The following SORCS1 variants were observed in gnomAD, a reference collection of about 807,000 sequenced individuals.
SORCS1 encodes VPS10 domain-containing receptor SorCS1.
Under a neutral mutation model 146.1 loss-of-function variants are expected in SORCS1, and 60 were observed. The observed-to-expected ratio is 0.41, with a 90% CI of 0.33 to 0.51. SORCS1 has a LOEUF of 0.51. Among genes scored for constraint, SORCS1 ranks in the 20% least tolerant of loss-of-function variants. The pLI is 0.21. For missense variants in SORCS1, 1,352 were observed against 1,487.6 expected (o/e 0.91, Z 1.50); for synonymous variants, 637 against 584.0 (o/e 1.09, Z -1.31).
intron 1 of SORCS1, among the ~76,000 whole-genome samples, chr10:106,974,613 CA>C: frequency 6.6e-6 from 1 of 152,246 alleles, no homozygotes; most frequent in Non-Finnish European, 1.5e-5. Context: ...CCCTAGACAC[CA>C]GAAACCAAAA....
At chr10:107,049,326 G>A (rs577267294) in intron 1 of SORCS1, among the ~76,000 whole-genome samples, 41 of 148,672 alleles carry the variant, frequency 2.8e-4, no homozygotes, top group Non-Finnish European at 5.5e-4. Flanking sequence ...GCTAAATGAC[G>A]AGTTAATGGG....
intron 1 of SORCS1, among the ~76,000 whole-genome samples, chr10:107,146,489 T>C (rs1968335905): frequency 6.6e-6 from 1 of 152,150 alleles, no homozygotes; most frequent in African/African-American, 2.4e-5. Flanking sequence ...CGTGAGTGGA[T>C]GCCCCATGCT....
intron 1 of SORCS1, among the ~76,000 whole-genome samples, chr10:106,979,301 A>G (rs1956158778): frequency 6.6e-6 from 1 of 152,200 alleles, no homozygotes; most frequent in Admixed American, 6.5e-5. Context: ...TTTGTAAGAC[A>G]GTAATTAAAA....
At chr10:107,061,241 T>C (rs1326400558) in intron 1 of SORCS1, among the ~76,000 whole-genome samples, 1 of 152,076 alleles carries the variant, frequency 6.6e-6, no homozygotes, top group East Asian at 1.9e-4. Context: ...AAATAACTTG[T>C]TCAAAAACAT....
chr10:106,946,946 A>G (rs1442825650), intron 2 of SORCS1, among the ~76,000 whole-genome samples: 1 of 152,182 alleles, frequency 6.6e-6, no homozygotes, highest in Non-Finnish European at 1.5e-5. Context: ...AAGATACATA[A>G]TTCACTACAA....
chr10:107,152,356 C>T lies in SORCS1; in HGVS notation c.558+11613G>A, dbSNP rs372245230. Among the ~76,000 whole-genome samples the T allele has an allele frequency of 1.2e-3, 179 of 152,256 alleles. 1 individual carries two copies. Among genetic ancestry groups the T allele is most frequent in the African/African-American group, 4.3e-3 (178 of 41,542 alleles). On this transcript the variant is annotated intron_variant, in intron 1 of 25. Coordinates refer to ENST00000263054, the MANE Select transcript of SORCS1 (RefSeq NM_052918.5). ...GGTTTGGGGTCCCCATGCAAAGTCC[C>T]CATGGGGCACTGTCTAGTGGAGCTA...
the SORCS1 span, among the ~76,000 whole-genome samples, chr10:107,180,149 C>A: frequency 2.0e-5 from 3 of 151,982 alleles, no homozygotes; most frequent in African/African-American, 7.2e-5. Flanking sequence ...CTCCTGGGCT[C>A]AAGCCATCCT....
At chr10:107,088,682 T>C (rs1354232970) in intron 1 of SORCS1, among the ~76,000 whole-genome samples, 3 of 152,318 alleles carry the variant, frequency 2.0e-5, no homozygotes, top group Admixed American at 6.5e-5. Flanking sequence ...GGAAGAGATA[T>C]GGACAATTGA....
chr10:106,705,904 G>A (rs922063533), intron 8 of SORCS1, among the ~76,000 whole-genome samples: 1 of 152,104 alleles, frequency 6.6e-6, no homozygotes, highest in Non-Finnish European at 1.5e-5. Context: ...AATTAGCTGC[G>A]ACTCAGAACT....
At chr10:106,619,158 A>G (rs556522120) in intron 20 of SORCS1, among the ~76,000 whole-genome samples, 1 of 152,186 alleles carries the variant, frequency 6.6e-6, no homozygotes, top group Non-Finnish European at 1.5e-5. Flanking sequence ...ATAAAAAACA[A>G]TAGGGGGTAC....
At chr10:107,167,715 G>C (rs1241286354), upstream of SORCS1, among the ~76,000 whole-genome samples, 1 of 151,952 alleles carries the variant, frequency 6.6e-6, no homozygotes, top group African/African-American at 2.4e-5. Flanking sequence ...TTAAAATTTA[G>C]CCTTGCTAAA....
intron 2 of SORCS1, among the ~76,000 whole-genome samples, chr10:106,873,077 G>A (rs900044991): frequency 6.6e-6 from 1 of 152,146 alleles, no homozygotes; most frequent in Non-Finnish European, 1.5e-5. Context: ...GGGAGGCTGA[G>A]GCAGGAGAAT....
intron 1 of SORCS1, among the ~76,000 whole-genome samples, chr10:106,965,061 A>G (rs1229093706): frequency 6.6e-6 from 1 of 151,804 alleles, no homozygotes; most frequent in African/African-American, 2.4e-5. Flanking sequence ...TTCCAGGACT[A>G]ATTTAGCCCA....
intron 1 of SORCS1, among the ~76,000 whole-genome samples, chr10:107,042,611 AT>A (rs35015031): frequency 1.8e-3 from 256 of 143,626 alleles, no homozygotes; most frequent in East Asian, 3.7e-3. Flanking sequence ...GAAGTGAACT[AT>A]TTTTTTTTTT....
intron 2 of SORCS1, among the ~76,000 whole-genome samples, chr10:106,908,156 G>A (rs1951995387): frequency 6.6e-6 from 1 of 151,986 alleles, no homozygotes; most frequent in African/African-American, 2.4e-5. Context: ...TTGAATCCCT[G>A]GACTCTAAAT....
At chr10:106,756,778 G>C (rs1430438339) in intron 5 of SORCS1, among the ~76,000 whole-genome samples, 1 of 152,052 alleles carries the variant, frequency 6.6e-6, no homozygotes, top group African/African-American at 2.4e-5. Flanking sequence ...CTTGAAACTT[G>C]TATTTGTTTT....
At chr10:106,853,321 C>T (rs1016091094) in intron 2 of SORCS1, among the ~76,000 whole-genome samples, 1 of 151,552 alleles carries the variant, frequency 6.6e-6, no homozygotes, top group Non-Finnish European at 1.5e-5. Flanking sequence ...GCTCTCTCCT[C>T]TTTCATTTCT....
At chr10:107,158,365 GAT>G (rs1969450289) in intron 1 of SORCS1, among the ~76,000 whole-genome samples, 1 of 152,120 alleles carries the variant, frequency 6.6e-6, no homozygotes, top group African/African-American at 2.4e-5. Context: ...TAAATTCCTG[GAT>G]ATAAAGAGGA....
chr10:106,688,982 T>TA (rs954126435), intron 9 of SORCS1, among the ~76,000 whole-genome samples: 1 of 152,232 alleles, frequency 6.6e-6, no homozygotes, highest in African/African-American at 2.4e-5. Context: ...ACTGTTGCTT[T>TA]ATTTCTATGT....
Sources: gnomAD v4.1 joint callset for allele counts (sites outside exome capture counted in the v4.1 genomes callset) on GRCh38, gnomAD v4.1.1 for gene constraint, MANE v1.5 for transcripts, NCBI Gene and HGNC (gene_info 2026-07-23, HGNC 2026-07-21) for gene names.